Variants in PGAP1 observed in about 807,000 individuals in gnomAD.
The protein encoded by PGAP1 is GPI inositol-deacylase.
In PGAP1, 76 loss-of-function variants were observed where a neutral mutation model predicts 127.0. That is an observed-to-expected ratio of 0.60 (90% CI 0.50 to 0.72). The LOEUF is 0.72. PGAP1 is among the 30% of genes least tolerant of loss of function. PGAP1 has a pLI of 0.00. For missense variants in PGAP1, 982 were observed against 1,071.3 expected (o/e 0.92, Z 1.16); for synonymous variants, 362 against 366.5 (o/e 0.99, Z 0.14).
chr2:196,866,733 G>C (rs1701253665), intron 19 of PGAP1, among the ~76,000 whole-genome samples: 1 of 151,778 alleles, frequency 6.6e-6, no homozygotes, highest in Admixed American at 6.6e-5. Context: ...ATGACAAAGG[G>C]CTAACATCCA....
intron 4 of PGAP1, among the ~76,000 whole-genome samples, chr2:196,903,583 A>T (rs1702576299): frequency 7.1e-6 from 1 of 140,060 alleles, no homozygotes; most frequent in Admixed American, 7.2e-5. Flanking sequence ...AAAAAAAAAG[A>T]AAAGAAAAAG....
Position 196,834,053 on chromosome 2 carries a change from A to G in PGAP1, c.*7181T>C, listed in dbSNP as rs944389919. 7 of 152,076 alleles carry G rather than the reference A, an allele frequency of 4.6e-5. No individual in the cohort carries two copies. Among genetic ancestry groups the G allele is most frequent in the African/African-American group, 1.2e-4 (5 of 41,464 alleles). 9.4% of individuals were successfully genotyped at this position (152,076 alleles called of 1,614,324 possible). ...CCTTATTTGATATATATAAGCCTCA[A>G]TAAGTTCAGAAAGAATGAGCACAAG... On this transcript the variant is annotated 3_prime_UTR_variant, in exon 27 of 27. Transcript: ENST00000354764.
At chr2:196,863,049 A>C (rs73064937) in intron 20 of PGAP1, among the ~76,000 whole-genome samples, 1,540 of 152,272 alleles carry the variant, frequency 0.01, 23 homozygotes, top group African/African-American at 0.035. Context: ...TGGCTTGTTA[A>C]CAAAAAGACA....
chr2:196,833,959 A>T lies in PGAP1; in HGVS notation c.*7275T>A, dbSNP rs189446881. On this transcript the variant is annotated 3_prime_UTR_variant, in exon 27 of 27. Transcript: ENST00000354764. Reference sequence around the variant, plus strand: ...AAAAAGAGAAGGAAAAATGAGAGGAAATAATGTTTTAAAATATACTACATG... The same window carrying T: ...AAAAAGAGAAGGAAAAATGAGAGGATATAATGTTTTAAAATATACTACATG... 1.3e-5 allele frequency: 2 copies of T among 152,094 alleles called. No individual in the cohort carries two copies. Among genetic ancestry groups the T allele is most frequent in the East Asian group, 3.9e-4 (2 of 5,188 alleles). 9.4% of individuals were successfully genotyped at this position (152,094 alleles called of 1,614,324 possible).
At position 196,902,677 on chromosome 2, in the gene PGAP1, A is replaced by G; in HGVS notation, c.715T>C (p.Ser239Pro). 1 of 1,613,094 alleles carries G rather than the reference A, an allele frequency of 6.2e-7. No homozygotes were observed. The highest frequency in any genetic ancestry group is 8.5e-7 in the Non-Finnish European group (1 of 1,179,062). The change falls in exon 5 of 27, where the codon TCT becomes CCT. Residue 239 changes from serine to proline, a missense_variant. Coordinates refer to ENST00000354764, the MANE Select transcript of PGAP1 (RefSeq NM_024989.4). ...TAATCCCGGAATCCTCCAGCTACAG[A>G]AAGTGTGGTTAAATTTATGTGTCGA... ...NARHINLTTL[S>P]VAGGFRDYQV... is the part of the protein sequence containing the mutation.
At chr2:196,885,581 G>A in intron 11 of PGAP1, 106 bp from the exon 12 acceptor site, 1 of 813,958 alleles carries the variant, frequency 1.2e-6, no homozygotes, top group Non-Finnish European at 1.9e-6. Flanking sequence ...ACCTAGTAGA[G>A]ATGTCTATTG....
chr2:196,853,904 A>G (rs1026199521), intron 20 of PGAP1, among the ~76,000 whole-genome samples: 1 of 150,944 alleles, frequency 6.6e-6, no homozygotes, highest in African/African-American at 2.5e-5. Flanking sequence ...AGCTTCCCAA[A>G]GATGAATTTT....
rs1333031963 is a variant in PGAP1 at position 196,843,995 on chromosome 2, G to T, written c.2418C>A (p.Ala806=). The change falls in exon 25 of 27, where the codon GCC becomes GCA. Residue 806 remains alanine, a synonymous_variant. Coordinates refer to ENST00000354764, the MANE Select transcript of PGAP1 (RefSeq NM_024989.4). The stretch of plus-strand genomic sequence containing the variant: ...TGCGAAGGCTATCTTCAGCATCGTT[G>T]GCAGATAAACGAAGATGGTGTATTG... ...DSSIHHLRLS[A]NDAEDSLRMH... is the part of the protein sequence containing the mutation. 8 of 1,608,098 alleles carry T rather than the reference G, an allele frequency of 5.0e-6. No homozygotes were observed. The East Asian group carries it at 1.8e-4, about 36-fold the overall frequency.
intron 21 of PGAP1, 41 bp from the exon 22 acceptor site, chr2:196,847,241 C>G (rs190048866): frequency 1.3e-6 from 2 of 1,485,456 alleles, no homozygotes; most frequent in Non-Finnish European, 1.9e-6. Flanking sequence ...AACCCAACAA[C>G]TGAAATTTAA....
chr2:196,858,156 C>T (rs1233503184), intron 20 of PGAP1, among the ~76,000 whole-genome samples: 3 of 152,070 alleles, frequency 2.0e-5, no homozygotes, highest in Non-Finnish European at 4.4e-5. Flanking sequence ...AATCCCAGCA[C>T]TTTGGGAGGC....
intron 13 of PGAP1, among the ~76,000 whole-genome samples, chr2:196,879,737 C>A (rs1325815603): frequency 6.6e-6 from 1 of 151,976 alleles, no homozygotes; most frequent in Non-Finnish European, 1.5e-5. Context: ...CATTTGTGTG[C>A]CTCCTATAAT....
At chr2:196,860,850 A>T (rs1173542101) in intron 20 of PGAP1, among the ~76,000 whole-genome samples, 1 of 152,220 alleles carries the variant, frequency 6.6e-6, no homozygotes, top group Admixed American at 6.5e-5. Context: ...ATAAAATCAT[A>T]TGGTACCACA....
chr2:196,926,619 T>TGCCGCCACCACCGCCGCCGCC lies in PGAP1; in HGVS notation c.-24_-4dup. 1 of 1,613,884 alleles carries TGCCGCCACCACCGCCGCCGCC rather than the reference T, an allele frequency of 6.2e-7. No homozygotes were observed. Among genetic ancestry groups the TGCCGCCACCACCGCCGCCGCC allele is most frequent in the Non-Finnish European group, 8.5e-7 (1 of 1,179,844 alleles). On this transcript the variant is annotated 5_prime_UTR_variant, in exon 1 of 27. Coordinates refer to ENST00000354764, the MANE Select transcript of PGAP1 (RefSeq NM_024989.4). ...AGATTAACTGAGTGAAGAAACATGG[T>TGCCGCCACCACCGCCGCCGCC]GCCGCCACCACCGCCGCCGCCGCCG...
rs148316327 is a variant in PGAP1 at position 196,849,548 on chromosome 2, A to C, written c.1862-1511T>G. Among the ~76,000 whole-genome samples the C allele has an allele frequency of 2.3e-3, 350 of 151,898 alleles. 12 individuals carry two copies. In the East Asian group the frequency reaches 0.059, roughly 25 times the overall value. ...CTCAGTCTCCCAAAGTGTTGGGATT[A>C]CAGGTGTGAGCCACCACACCCAGCC... On this transcript the variant is annotated intron_variant, in intron 20 of 26. Transcript: ENST00000354764.
chr2:196,880,925 C>G (rs1701708489), intron 12 of PGAP1, among the ~76,000 whole-genome samples: 1 of 152,038 alleles, frequency 6.6e-6, no homozygotes, highest in Admixed American at 6.6e-5. Context: ...CACAGGTAAA[C>G]TTGTGTCATG....
intron 14 of PGAP1, 79 bp downstream of exon 14, chr2:196,875,667 A>G: frequency 4.0e-6 from 3 of 747,204 alleles, no homozygotes; most frequent in African/African-American, 1.8e-5. Context: ...TCAACATTTG[A>G]TATTACAAAG....
chr2:196,880,052 T>C (rs762525590), intron 13 of PGAP1, 24 bp downstream of exon 13: 3 of 1,540,506 alleles, frequency 1.9e-6, no homozygotes, highest in Admixed American at 3.4e-5. Flanking sequence ...AACATTCTAA[T>C]AACAATCTTA....
chr2:196,925,183 A>T (rs972841945), intron 1 of PGAP1, among the ~76,000 whole-genome samples: 4 of 152,208 alleles, frequency 2.6e-5, no homozygotes, highest in African/African-American at 9.6e-5. Context: ...CAAGGTAAGG[A>T]TCTAAACACA....
Position 196,865,023 on chromosome 2 carries a change from C to A in PGAP1, c.1825G>T (p.Ala609Ser). 3.8e-6 allele frequency: 6 copies of A among 1,565,838 alleles called. No homozygotes were observed. The highest frequency in any genetic ancestry group is 5.2e-6 in the Non-Finnish European group (6 of 1,164,444). The stretch of plus-strand genomic sequence containing the variant: ...AGAGAATATAACTGTCCTCTATAAG[C>A]AAGAAGGATATTAGATACGACATAA... ...PAYVVSNILLAYRGQLYSLFS... is the reference protein window; with the variant it reads ...PAYVVSNILLSYRGQLYSLFS... The change falls in exon 20 of 27, where the codon GCT (alanine) becomes TCT (serine). Residue 609 changes from alanine (A) to serine (S), a missense_variant. Physicochemically the swap from Ala to Ser is moderately conservative, Grantham distance 99 (BLOSUM62 1). Transcript: ENST00000354764.
Sources: allele counts gnomAD v4.1 joint callset (sites outside exome capture counted in the v4.1 genomes callset), GRCh38; gene constraint gnomAD v4.1.1; transcripts MANE v1.5; gene names NCBI Gene and HGNC (gene_info 2026-07-23, HGNC 2026-07-21).